Variants in FILIP1L observed in about 807,000 individuals in gnomAD.
FILIP1L encodes filamin A-interacting protein 1-like.
FILIP1L carries 55 observed loss-of-function variants against 96.6 expected under a neutral mutation model. The ratio of observed to expected loss-of-function variants is 0.57; its 90% CI spans 0.46 to 0.71. FILIP1L has a LOEUF of 0.71. Ranked by LOEUF, FILIP1L falls within the 30% of genes least tolerant of loss-of-function variation. The pLI is 0.00. For synonymous variants in FILIP1L, 467 were observed against 473.9 expected, an observed-to-expected ratio of 0.99 and a Z score of 0.19; for missense variants, 1,304 against 1,321.2, an observed-to-expected ratio of 0.99 and a Z score of 0.20.
intron 4 of FILIP1L, among the ~76,000 whole-genome samples, chr3:99,908,220 C>T (rs1216214629): frequency 2.0e-5 from 3 of 152,120 alleles, no homozygotes; most frequent in African/African-American, 7.2e-5. Flanking sequence ...ATGTCCATTA[C>T]CTAATTTGAC....
At chr3:99,889,692 C>T (rs1706023071) in intron 4 of FILIP1L, among the ~76,000 whole-genome samples, 1 of 151,838 alleles carries the variant, frequency 6.6e-6, no homozygotes, top group South Asian at 2.1e-4. Context: ...TCTCTCTCTA[C>T]CTTGTAATAC....
chr3:99,903,654 T>A (rs1706516606), intron 4 of FILIP1L, among the ~76,000 whole-genome samples: 1 of 152,158 alleles, frequency 6.6e-6, no homozygotes, highest in African/African-American at 2.4e-5. Context: ...AAAAATTGGC[T>A]GTTAGGAGTA....
chr3:100,012,951 AT>A (rs754521546), intron 1 of FILIP1L, among the ~76,000 whole-genome samples: 6 of 151,442 alleles, frequency 4.0e-5, no homozygotes, highest in Non-Finnish European at 8.8e-5. Flanking sequence ...TTTTTATTTT[AT>A]GTATGTATGT....
At chr3:99,945,916 A>G (rs1045930362) in intron 1 of FILIP1L, among the ~76,000 whole-genome samples, 2 of 152,230 alleles carry the variant, frequency 1.3e-5, no homozygotes, top group Non-Finnish European at 2.9e-5. Flanking sequence ...AGTGCCACAC[A>G]TGCTTTTGTG....
At chr3:100,019,252 C>T (rs2064759335) in intron 1 of FILIP1L, among the ~76,000 whole-genome samples, 1 of 152,080 alleles carries the variant, frequency 6.6e-6, no homozygotes, top group African/African-American at 2.4e-5. Context: ...TTCAGCTACT[C>T]GGGAGGCTGA....
intron 4 of FILIP1L, among the ~76,000 whole-genome samples, chr3:99,858,769 T>G (rs117493374): frequency 1.3e-5 from 2 of 152,310 alleles, no homozygotes; most frequent in African/African-American, 4.8e-5. Context: ...TGAAGATATC[T>G]TCTTCACTCT....
At chr3:99,979,625 TG>T (rs1362666812) in intron 1 of FILIP1L, among the ~76,000 whole-genome samples, 1 of 152,220 alleles carries the variant, frequency 6.6e-6, no homozygotes, top group Non-Finnish European at 1.5e-5. Flanking sequence ...AAATGAGACC[TG>T]TTATTACATG....
intron 1 of FILIP1L, among the ~76,000 whole-genome samples, chr3:100,103,171 G>A (rs529078875): frequency 6.6e-6 from 1 of 152,258 alleles, no homozygotes. Context: ...TAGGAAACTG[G>A]TGATTTGAAG....
intron 1 of FILIP1L, among the ~76,000 whole-genome samples, chr3:100,071,925 A>G (rs958282312): frequency 2.0e-5 from 3 of 152,102 alleles, no homozygotes; most frequent in Non-Finnish European, 2.9e-5. Context: ...AGCTAATTAC[A>G]TTTTTACAAT....
intron 4 of FILIP1L, among the ~76,000 whole-genome samples, chr3:99,866,520 ATCCTTAGAGGACTT>A (rs1446258538): frequency 2.0e-5 from 3 of 152,212 alleles, no homozygotes; most frequent in Non-Finnish European, 4.4e-5. Flanking sequence ...AAACATTTTG[ATCCTTAGAGGACTT>A]TTTTGGGTCC....
At chr3:100,089,321 G>A (rs1284185888) in intron 1 of FILIP1L, among the ~76,000 whole-genome samples, 3 of 152,066 alleles carry the variant, frequency 2.0e-5, no homozygotes, top group African/African-American at 4.8e-5. Flanking sequence ...ATTACTACAC[G>A]CATATCCACA....
chr3:99,966,373 A>AC (rs1708651684), intron 1 of FILIP1L, among the ~76,000 whole-genome samples: 1 of 151,670 alleles, frequency 6.6e-6, no homozygotes, highest in African/African-American at 2.4e-5. Flanking sequence ...TGAAGCCTGA[A>AC]CCCTTCCAGA....
intron 1 of FILIP1L, among the ~76,000 whole-genome samples, chr3:99,997,936 A>G (rs1709730169): frequency 6.6e-6 from 1 of 152,250 alleles, no homozygotes. Flanking sequence ...TAGGATTTCT[A>G]CATCAAGAAT....
intron 1 of FILIP1L, among the ~76,000 whole-genome samples, chr3:100,056,359 T>C (rs561458818): frequency 6.6e-6 from 1 of 152,338 alleles, no homozygotes; most frequent in Middle Eastern, 3.4e-3. Context: ...TTTTTAAATT[T>C]CTATGGGAGG....
chr3:100,107,201 A>G (rs1284881011), intron 1 of FILIP1L, among the ~76,000 whole-genome samples: 1 of 152,152 alleles, frequency 6.6e-6, no homozygotes, highest in Non-Finnish European at 1.5e-5. Flanking sequence ...TCTCTTTTCA[A>G]CTGAAATTGC....
At chr3:100,035,276 A>G (rs1303653419) in intron 1 of FILIP1L, among the ~76,000 whole-genome samples, 2 of 151,932 alleles carry the variant, frequency 1.3e-5, no homozygotes, top group African/African-American at 4.8e-5. Flanking sequence ...AATTATTAGT[A>G]TTATTATTAT....
At chr3:99,983,462 G>GTA (rs1466852207) in intron 1 of FILIP1L, among the ~76,000 whole-genome samples, 265 of 11,886 alleles carry the variant, frequency 0.022, 9 homozygotes, top group African/African-American at 0.044. Flanking sequence ...ATATATATGT[G>GTA]TGTATATATA....
chr3:100,052,903 C>T (rs529761151), intron 1 of FILIP1L, among the ~76,000 whole-genome samples: 2 of 152,008 alleles, frequency 1.3e-5, no homozygotes, highest in African/African-American at 4.8e-5. Context: ...TTTGTTTTTT[C>T]ACAGGAATTT....
At chr3:99,969,184 A>T (rs551163224) in intron 1 of FILIP1L, among the ~76,000 whole-genome samples, 1 of 152,286 alleles carries the variant, frequency 6.6e-6, no homozygotes, top group South Asian at 2.1e-4. Context: ...GAAAGTGCAC[A>T]AGGACAGGTC....
Sources: allele counts gnomAD v4.1 joint callset (sites outside exome capture counted in the v4.1 genomes callset), GRCh38; gene constraint gnomAD v4.1.1; transcripts MANE v1.5; gene names NCBI Gene and HGNC (gene_info 2026-07-23, HGNC 2026-07-21).